Variants in DCBLD2 observed in about 807,000 individuals in gnomAD.
The protein encoded by DCBLD2 is discoidin, CUB and LCCL domain containing 2.
A neutral mutation model predicts 86.8 loss-of-function variants in DCBLD2; 54 were observed. That is an observed-to-expected ratio of 0.62 (90% CI 0.50 to 0.78). The LOEUF is 0.78. Among genes scored for constraint, DCBLD2 ranks in the 30% least tolerant of loss-of-function variants. DCBLD2 has a pLI of 0.00. For missense variants in DCBLD2, 908 were observed against 954.2 expected, an observed-to-expected ratio of 0.95 and a Z score of 0.64; for synonymous variants, 354 against 341.3, an observed-to-expected ratio of 1.04 and a Z score of -0.41.
intron 12 of DCBLD2, among the ~76,000 whole-genome samples, chr3:98,808,897 A>T (rs1941886344): frequency 6.6e-6 from 1 of 152,216 alleles, no homozygotes; most frequent in Non-Finnish European, 1.5e-5. Flanking sequence ...TTTCTGCGTA[A>T]GAGTGAAAAA....
intron 2 of DCBLD2, among the ~76,000 whole-genome samples, chr3:98,860,525 T>C (rs1400258941): frequency 5.9e-5 from 9 of 152,130 alleles, no homozygotes; most frequent in African/African-American, 2.2e-4. Context: ...CAGCAGATCT[T>C]TCAGGAGAAA....
intron 3 of DCBLD2, 94 bp from the exon 4 acceptor site, chr3:98,825,460 T>A: frequency 1.0e-6 from 1 of 962,870 alleles, no homozygotes; most frequent in Non-Finnish European, 1.5e-6. Flanking sequence ...TGTACTACTC[T>A]AATTTTCAAA....
At chr3:98,826,107 A>T (rs1942215134) in intron 3 of DCBLD2, among the ~76,000 whole-genome samples, 2 of 152,216 alleles carry the variant, frequency 1.3e-5, no homozygotes, top group Admixed American at 1.3e-4. Flanking sequence ...CTGAGCAAGA[A>T]CTAATCTGCC....
chr3:98,901,361 TGCCTCGGCAGCCCCGCGCGCCTCTG>T lies in DCBLD2; in HGVS notation c.-60_-36del. On this transcript the variant is annotated 5_prime_UTR_variant, in exon 1 of 16. Transcript: ENST00000326840. ...CGGCAGTCTGCCTGCATAGTGCGGG[TGCCTCGGCAGCCCCGCGCGCCTCTG>T]GCCGCGGCACCCGACCAGGAGACGG... 1.2e-5 allele frequency: 16 copies of T among 1,303,062 alleles called. No homozygotes were observed. Among genetic ancestry groups the T allele is most frequent in the Non-Finnish European group, 1.5e-5 (16 of 1,033,508 alleles). The allele number at this position is 1,303,062 out of a possible 1,614,324, so 80.7% of individuals were successfully genotyped here. A position where few individuals can be genotyped will look rare whatever the true frequency, so the allele number is the denominator to read the frequency against.
chr3:98,800,850 C>A, intron 14 of DCBLD2, 134 bp from the exon 15 acceptor site: 2 of 1,173,000 alleles, frequency 1.7e-6, no homozygotes. Flanking sequence ...CTTTATAATC[C>A]AACTTTTTTT....
At chr3:98,887,346 C>T (rs973545376) in intron 1 of DCBLD2, among the ~76,000 whole-genome samples, 11 of 152,034 alleles carry the variant, frequency 7.2e-5, no homozygotes, top group South Asian at 6.2e-4. Context: ...TGTTAACTAA[C>T]GTATCTGATT....
At chr3:98,842,084 T>C (rs1942632486) in intron 3 of DCBLD2, among the ~76,000 whole-genome samples, 1 of 152,102 alleles carries the variant, frequency 6.6e-6, no homozygotes, top group Non-Finnish European at 1.5e-5. Context: ...AGCACAGAAG[T>C]ACTGTTCCAA....
At position 98,799,541 on chromosome 3, in the gene DCBLD2, G is replaced by T; in HGVS notation, c.2159C>A (p.Ser720Tyr). 2 of 1,613,986 alleles carry T rather than the reference G, an allele frequency of 1.2e-6. No individual in the cohort carries two copies. The highest frequency in any genetic ancestry group is 1.1e-5 in the South Asian group (1 of 91,072). ...GGCTGAGGAGCAGCTGTCAGTCCTG[G>T]AGAGAAGTGTATTGTAAGTTCCCAC... ...PLVGTYNTLL[S>Y]RTDSCSSAQA... The change falls in exon 16 of 16, where the codon TCC becomes TAC. Residue 720 changes from serine to tyrosine, a missense_variant. By Grantham distance (144) the Ser-to-Tyr change is moderately radical. Coordinates refer to ENST00000326840, the MANE Select transcript of DCBLD2 (RefSeq NM_080927.4).
At chr3:98,812,280 T>C in intron 10 of DCBLD2, 52 bp downstream of exon 10, 6 of 1,600,324 alleles carry the variant, frequency 3.7e-6, no homozygotes, top group Non-Finnish European at 5.1e-6. Flanking sequence ...AGCAAAACCA[T>C]TTTAAATTGG....
intron 6 of DCBLD2, 22 bp downstream of exon 6, chr3:98,822,206 T>G (rs2107448556): frequency 6.2e-7 from 1 of 1,612,620 alleles, no homozygotes; most frequent in Non-Finnish European, 8.5e-7. Flanking sequence ...GCATATATTT[T>G]TTAAATTGCA....
chr3:98,882,439 AAAAT>A (rs1943487288), intron 1 of DCBLD2, among the ~76,000 whole-genome samples: 1 of 152,126 alleles, frequency 6.6e-6, no homozygotes, highest in Admixed American at 6.5e-5. Context: ...TAACTTTTTA[AAAAT>A]TATACAAGTT....
In DCBLD2 at chr3:98,817,870, T is replaced by C. The variant is rs536126933; in HGVS notation, c.1111A>G (p.Met371Val). Reference sequence around the variant, plus strand: ...GACACATAGTAATTGTGCTCCACCATGGTGGATCCAGTGGTTATAATGCCT... The same window carrying C: ...GACACATAGTAATTGTGCTCCACCACGGTGGATCCAGTGGTTATAATGCCT... ...ITGIITTGST[M>V]VEHNYYVSAY... is the part of the protein sequence containing the mutation. The change falls in exon 9 of 16, where the codon ATG becomes GTG. Residue 371 changes from methionine to valine, a missense_variant. Transcript: ENST00000326840. 2.0e-5 allele frequency: 32 copies of C among 1,613,536 alleles called. No individual in the cohort carries two copies. The African/African-American group carries it at 2.0e-4, about 10-fold the overall frequency.
intron 2 of DCBLD2, among the ~76,000 whole-genome samples, chr3:98,866,846 C>A (rs958277877): frequency 2.0e-5 from 3 of 152,188 alleles, no homozygotes; most frequent in African/African-American, 7.2e-5. Context: ...TTAGGTCTAA[C>A]ATTTAAGTCT....
intron 2 of DCBLD2, among the ~76,000 whole-genome samples, chr3:98,874,838 A>G (rs1024350135): frequency 6.6e-6 from 1 of 152,230 alleles, no homozygotes; most frequent in African/African-American, 2.4e-5. Flanking sequence ...CAAGCCAGGA[A>G]GAGAGCCCTC....
intron 3 of DCBLD2, among the ~76,000 whole-genome samples, chr3:98,845,775 A>T (rs2107479839): frequency 6.6e-6 from 1 of 152,306 alleles, no homozygotes; most frequent in African/African-American, 2.4e-5. Flanking sequence ...TTTCTTTTCC[A>T]GTTCTCCCAG....
chr3:98,809,728 G>A (rs1941904154), intron 12 of DCBLD2, among the ~76,000 whole-genome samples: 1 of 152,146 alleles, frequency 6.6e-6, no homozygotes, highest in Admixed American at 6.5e-5. Flanking sequence ...CTGGTGCCAC[G>A]GGCCCCACTG....
chr3:98,812,370 A>C lies in DCBLD2; in HGVS notation c.1325T>G (p.Met442Arg). 6.2e-7 allele frequency: 1 copy of C among 1,613,528 alleles called. No individual in the cohort carries two copies. The highest frequency in any genetic ancestry group is 8.5e-7 in the Non-Finnish European group (1 of 1,179,638). The change falls in exon 10 of 16, where the codon ATG (methionine) becomes AGG (arginine). Residue 442 changes from methionine (M) to arginine (R), a missense_variant. Transcript: ENST00000326840. ...CTGACATCCGAGCAGCTCCATTTTC[A>C]TGGCAATTTTCTGCTGCCATTGGGT... The part of the protein sequence containing the change: ...NPTQWQQKIA[M>R]KMELLGCQFI...
intron 3 of DCBLD2, among the ~76,000 whole-genome samples, chr3:98,831,246 TTCA>T (rs1424555672): frequency 6.6e-6 from 1 of 151,496 alleles, no homozygotes; most frequent in Non-Finnish European, 1.5e-5. Context: ...GAGACGAGGT[TTCA>T]TCATGTCAGC....
At position 98,847,125 on chromosome 3, in the gene DCBLD2, G is replaced by A. The variant is rs575819516; in HGVS notation, c.571+2336C>T. Among the ~76,000 whole-genome samples, 20 of 152,288 alleles carry A rather than the reference G, an allele frequency of 1.3e-4. No homozygotes were observed. In the South Asian group the frequency reaches 4.0e-3, roughly 30 times the overall value. On this transcript the variant is annotated intron_variant, in intron 3 of 15. Coordinates refer to ENST00000326840, the MANE Select transcript of DCBLD2 (RefSeq NM_080927.4). ...TCTCTACATTACTCTTTTGGTGGTAGGGGTGGGGAACACGTGTATGCATGT... is the reference window on the plus strand; with the variant it reads ...TCTCTACATTACTCTTTTGGTGGTAAGGGTGGGGAACACGTGTATGCATGT...
Sources: gnomAD v4.1 joint callset for allele counts (sites outside exome capture counted in the v4.1 genomes callset) on GRCh38, gnomAD v4.1.1 for gene constraint, MANE v1.5 for transcripts, NCBI Gene and HGNC (gene_info 2026-07-23, HGNC 2026-07-21) for gene names.